Variants in RAB2A observed in about 807,000 individuals in gnomAD.
RAB2A encodes the protein RAB2A, member RAS oncogene family, also known as ras-related protein Rab-2A.
In RAB2A, 7 loss-of-function variants were observed where a neutral mutation model predicts 32.5. The observed-to-expected ratio is 0.22, with a 90% CI of 0.12 to 0.40. The LOEUF (loss-of-function observed/expected upper bound fraction) is 0.40. RAB2A is among the 10% of genes least tolerant of loss of function. RAB2A has a pLI of 1.00. For synonymous variants in RAB2A, 79 were observed against 85.2 expected (o/e 0.93, Z 0.40); for missense variants, 108 against 260.7 (o/e 0.41, Z 4.03).
intron 5 of RAB2A, among the ~76,000 whole-genome samples, chr8:60,586,887 C>G (rs985303874): frequency 6.6e-6 from 1 of 151,248 alleles, no homozygotes; most frequent in African/African-American, 2.4e-5. Flanking sequence ...TATGATTGTG[C>G]CACCTGCACT....
In RAB2A at chr8:60,573,692, T is replaced by TAAAATACACA. The variant is rs559843943; in HGVS notation, c.186+1582_186+1591dup. ...CAAAACTGCATGGAAAAGAGGAAAA[T>TAAAATACACA]AAAATACACAAAGTCCCTTTTTTCC... On this transcript the variant is annotated intron_variant, in intron 3 of 7. Coordinates refer to ENST00000262646, the MANE Select transcript of RAB2A (RefSeq NM_002865.3). Among the ~76,000 whole-genome samples, 17 of 152,294 alleles carry TAAAATACACA rather than the reference T, an allele frequency of 1.1e-4. No homozygotes were observed. The South Asian group carries it at 3.5e-3, about 32-fold the overall frequency.
chr8:60,593,388 C>G (rs946978504), intron 6 of RAB2A, among the ~76,000 whole-genome samples: 1 of 152,054 alleles, frequency 6.6e-6, no homozygotes, highest in Admixed American at 6.5e-5. Flanking sequence ...AACAGGCAAC[C>G]TAGAAAGGTC....
chr8:60,587,551 C>A (rs972540547), intron 5 of RAB2A, among the ~76,000 whole-genome samples: 8 of 152,020 alleles, frequency 5.3e-5, no homozygotes, highest in Non-Finnish European at 1.0e-4. Context: ...CTTCAAAAGA[C>A]GGTTACACTA....
chr8:60,579,471 C>T (rs936699187), intron 3 of RAB2A, among the ~76,000 whole-genome samples: 1 of 152,202 alleles, frequency 6.6e-6, no homozygotes, highest in Non-Finnish European at 1.5e-5. Flanking sequence ...TCCTGTTTGA[C>T]TAAATGTGTT....
Position 60,622,323 on chromosome 8 carries a change from A to AT in RAB2A, c.*1556dup, listed in dbSNP as rs1804540760. ...AACTTTCTACAGGTCTTCCCTGAAG[A>AT]TTCAGCAGTACTCTCTCAAAGGTTT... is the stretch of plus-strand genomic sequence containing the variant. On this transcript the variant is annotated 3_prime_UTR_variant, in exon 8 of 8. Transcript: ENST00000262646. The AT allele has an allele frequency of 1.3e-5, 2 of 152,232 alleles. No individual in the cohort carries two copies. Among genetic ancestry groups the AT allele is most frequent in the African/African-American group, 4.8e-5 (2 of 41,460 alleles). The allele number at this position is 152,232 out of a possible 1,614,324, so 9.4% of individuals were successfully genotyped here. A position where few individuals can be genotyped will look rare whatever the true frequency, so the allele number is the denominator to read the frequency against.
At chr8:60,619,241 G>A (rs41272431) in intron 7 of RAB2A, 1 of 152,210 alleles carries the variant, frequency 6.6e-6, no homozygotes, top group Non-Finnish European at 1.5e-5. Context: ...AAGCTTTGAA[G>A]CATCTAATTC....
chr8:60,548,778 C>A (rs1217599188), intron 1 of RAB2A, among the ~76,000 whole-genome samples: 3 of 144,154 alleles, frequency 2.1e-5, no homozygotes, highest in South Asian at 4.4e-4. Context: ...GCTGATCCCC[C>A]CACCTCCCTC....
At chr8:60,589,961 C>T (rs1466862078) in intron 5 of RAB2A, among the ~76,000 whole-genome samples, 1 of 148,764 alleles carries the variant, frequency 6.7e-6, no homozygotes, top group African/African-American at 2.5e-5. Context: ...TATATTGTTT[C>T]TTTTTTTTTT....
At chr8:60,581,917 G>A (rs1344265382) in intron 3 of RAB2A, among the ~76,000 whole-genome samples, 1 of 148,984 alleles carries the variant, frequency 6.7e-6, no homozygotes, top group African/African-American at 2.5e-5. Flanking sequence ...CTAGTTTTTT[G>A]TTGTTTTTTG....
chr8:60,555,877 T>G (rs532881985), intron 1 of RAB2A, among the ~76,000 whole-genome samples: 7 of 152,222 alleles, frequency 4.6e-5, no homozygotes, highest in Non-Finnish European at 7.3e-5. Context: ...AAATAAATCA[T>G]TATATCAAAG....
chr8:60,617,021 G>GT (rs566228436), intron 6 of RAB2A, among the ~76,000 whole-genome samples: 1 of 152,182 alleles, frequency 6.6e-6, no homozygotes, highest in Non-Finnish European at 1.5e-5. Flanking sequence ...AATTAGGTCT[G>GT]TATCAGTGGT....
chr8:60,572,037 T>G lies in RAB2A; in HGVS notation c.119-9T>G. 6.3e-7 allele frequency: 1 copy of G among 1,593,350 alleles called. No homozygotes were observed. The highest frequency in any genetic ancestry group is 8.6e-7 in the Non-Finnish European group (1 of 1,164,384). ...AATTTTGTAACAAATCATTTCCTAC[T>G]CTATTTAGGTGTAGAGTTCGGTGCT... is the stretch of plus-strand genomic sequence containing the variant. On this transcript the variant is annotated splice_polypyrimidine_tract_variant and intron_variant, in intron 2 of 7. Transcript: ENST00000262646.
intron 3 of RAB2A, among the ~76,000 whole-genome samples, chr8:60,573,436 G>A (rs1041714658): frequency 6.6e-6 from 1 of 152,196 alleles, no homozygotes; most frequent in African/African-American, 2.4e-5. Flanking sequence ...GAAGGCTGCT[G>A]TGGGACCTGG....
intron 1 of RAB2A, among the ~76,000 whole-genome samples, chr8:60,524,150 T>C (rs1586059515): frequency 6.6e-6 from 1 of 152,116 alleles, no homozygotes; most frequent in African/African-American, 2.4e-5. Flanking sequence ...CTGGTGACTC[T>C]CCCTACTCAT....
At chr8:60,549,981 T>G (rs889324105) in intron 1 of RAB2A, among the ~76,000 whole-genome samples, 1 of 152,224 alleles carries the variant, frequency 6.6e-6, no homozygotes, top group African/African-American at 2.4e-5. Context: ...AAACATGGGC[T>G]ATGTCTCAGT....
chr8:60,529,909 T>C (rs1004774568), intron 1 of RAB2A, among the ~76,000 whole-genome samples: 4 of 152,306 alleles, frequency 2.6e-5, no homozygotes, highest in Admixed American at 2.6e-4. Context: ...GGTGTATACA[T>C]CTTTGGCTTT....
chr8:60,543,130 A>C (rs1471460218), intron 1 of RAB2A, among the ~76,000 whole-genome samples: 2 of 152,242 alleles, frequency 1.3e-5, no homozygotes, highest in African/African-American at 4.8e-5. Flanking sequence ...TAAGAGTCTT[A>C]AGAGGAATGA....
intron 1 of RAB2A, among the ~76,000 whole-genome samples, chr8:60,553,583 G>A (rs1027475808): frequency 6.6e-5 from 10 of 152,148 alleles, no homozygotes; most frequent in African/African-American, 2.4e-4. Context: ...ACTGTACAGG[G>A]TCCCTTTTGT....
intron 1 of RAB2A, among the ~76,000 whole-genome samples, chr8:60,543,547 C>T (rs1807679401): frequency 6.6e-6 from 1 of 152,160 alleles, no homozygotes; most frequent in African/African-American, 2.4e-5. Flanking sequence ...TCCTTAATTA[C>T]ATCTGCAAAG....
Sources: gnomAD v4.1 joint callset for allele counts (sites outside exome capture counted in the v4.1 genomes callset) on GRCh38, gnomAD v4.1.1 for gene constraint, MANE v1.5 for transcripts, NCBI Gene and HGNC (gene_info 2026-07-23, HGNC 2026-07-21) for gene names.